TCF4: variants seen among roughly 807,000 people sequenced by gnomAD.
The protein encoded by TCF4 is SL3-3 enhancer factor 2.
In TCF4, 3 loss-of-function variants were observed where a neutral mutation model predicts 82.1. The observed-to-expected ratio is 0.04, with a 90% CI of 0.02 to 0.09. The LOEUF (loss-of-function observed/expected upper bound fraction) is 0.09. TCF4 is among the 10% of genes least tolerant of loss of function. The pLI is 1.00. For missense variants in TCF4, 518 were observed against 852.7 expected, an observed-to-expected ratio of 0.61 and a Z score of 4.89; for synonymous variants, 276 against 309.6, an observed-to-expected ratio of 0.89 and a Z score of 1.14.
chr18:55,415,024 A>T (rs1330048087), intron 5 of TCF4, among the ~76,000 whole-genome samples: 2 of 152,232 alleles, frequency 1.3e-5, no homozygotes, highest in Non-Finnish European at 2.9e-5. Context: ...TCCATTACAG[A>T]CAAATAATCA....
intron 12 of TCF4, 60 bp downstream of exon 12, chr18:55,261,406 C>A: frequency 6.3e-7 from 1 of 1,586,256 alleles, no homozygotes; most frequent in Non-Finnish European, 8.7e-7. Flanking sequence ...ATGTCCACTT[C>A]TGATTAAAGT....
upstream of TCF4, among the ~76,000 whole-genome samples, chr18:55,591,582 A>G (rs2147925846): frequency 6.6e-6 from 1 of 152,320 alleles, no homozygotes; most frequent in Non-Finnish European, 1.5e-5. Context: ...CAATGGCACG[A>G]TCTTGGCTCA....
rs575036513 is a variant in TCF4 at position 55,506,694 on chromosome 18, A to G, written c.146-42557T>C. On this transcript the variant is annotated intron_variant, in intron 3 of 19. Transcript: ENST00000354452. ...TTAAGATCTCCAGCAGATGCCTGAA[A>G]CCTCAGATAGCACAAAATTCTATAT... 1.8e-4 allele frequency among the ~76,000 whole-genome samples: 27 copies of G among 152,236 alleles called. No homozygotes were observed. In the South Asian group the frequency reaches 5.6e-3, roughly 32 times the overall value.
intron 8 of TCF4, among the ~76,000 whole-genome samples, chr18:55,339,533 T>C (rs893849477): frequency 5.9e-5 from 9 of 152,140 alleles, no homozygotes; most frequent in African/African-American, 1.9e-4. Flanking sequence ...CTGTTCAGGG[T>C]GTACACGGAA....
At chr18:55,365,187 ATATATG>A (rs1373012700) in intron 6 of TCF4, among the ~76,000 whole-genome samples, 19 of 108,410 alleles carry the variant, frequency 1.8e-4, no homozygotes, top group South Asian at 5.4e-4. Flanking sequence ...ATATATATAT[ATATATG>A]TGTGTGTGTG....
chr18:55,427,600 G>A (rs770403332), intron 5 of TCF4, among the ~76,000 whole-genome samples: 1 of 152,076 alleles, frequency 6.6e-6, no homozygotes, highest in Non-Finnish European at 1.5e-5. Flanking sequence ...AATGAAATAG[G>A]ACTAGGAATA....
chr18:55,611,376 G>A (rs139010508), intron 2 of TCF4, among the ~76,000 whole-genome samples: 4 of 152,186 alleles, frequency 2.6e-5, no homozygotes, highest in East Asian at 1.9e-4. Context: ...GTTCATGATC[G>A]GCTCCTTTTT....
chr18:55,358,078 C>G (rs1156545145), intron 6 of TCF4, among the ~76,000 whole-genome samples: 1 of 152,222 alleles, frequency 6.6e-6, no homozygotes, highest in Non-Finnish European at 1.5e-5. Flanking sequence ...TCTTGAATAT[C>G]TGACCAAGAG....
At chr18:55,615,653 T>C (rs1024083877) in intron 2 of TCF4, among the ~76,000 whole-genome samples, 1 of 152,182 alleles carries the variant, frequency 6.6e-6, no homozygotes, top group African/African-American at 2.4e-5. Context: ...ATGTTAGTTG[T>C]AGACTTCCAT....
At chr18:55,558,984 TG>T (rs1206563693) in intron 3 of TCF4, among the ~76,000 whole-genome samples, 8 of 151,356 alleles carry the variant, frequency 5.3e-5, no homozygotes, top group African/African-American at 1.9e-4. Context: ...AGACTATTTC[TG>T]GATAAATACA....
intron 5 of TCF4, among the ~76,000 whole-genome samples, chr18:55,458,727 T>C (rs1293803573): frequency 6.6e-6 from 1 of 152,190 alleles, no homozygotes; most frequent in Non-Finnish European, 1.5e-5. Context: ...ATTATAGCGA[T>C]GGGAAGTTTT....
chr18:55,572,648 T>C (rs2097484580), intron 3 of TCF4, among the ~76,000 whole-genome samples: 1 of 152,192 alleles, frequency 6.6e-6, no homozygotes, highest in Admixed American at 6.5e-5. Context: ...TTCAGTAACT[T>C]CTGTGGCTGT....
chr18:55,580,742 A>G (rs1005613135), intron 3 of TCF4, among the ~76,000 whole-genome samples: 8 of 145,382 alleles, frequency 5.5e-5, no homozygotes, highest in African/African-American at 1.3e-4. Context: ...GAGCTGTCTG[A>G]TGTGTGTGTG....
At chr18:55,310,672 C>T (rs1282786385) in intron 8 of TCF4, among the ~76,000 whole-genome samples, 2 of 152,230 alleles carry the variant, frequency 1.3e-5, no homozygotes, top group African/African-American at 4.8e-5. Context: ...CTGGAAAGAA[C>T]ATCTTCAATG....
intron 8 of TCF4, among the ~76,000 whole-genome samples, chr18:55,331,643 T>C (rs2077588953): frequency 6.6e-6 from 1 of 152,174 alleles, no homozygotes; most frequent in Non-Finnish European, 1.5e-5. Flanking sequence ...CTTCATGAAA[T>C]GGGAAAATGA....
chr18:55,311,738 C>G (rs1417600384), intron 8 of TCF4, among the ~76,000 whole-genome samples: 2 of 152,148 alleles, frequency 1.3e-5, no homozygotes, highest in Non-Finnish European at 2.9e-5. Context: ...AGAACCAACT[C>G]TATAGCAGTC....
At chr18:55,547,403 G>A (rs988457487) in intron 3 of TCF4, among the ~76,000 whole-genome samples, 3 of 152,166 alleles carry the variant, frequency 2.0e-5, no homozygotes, top group African/African-American at 7.2e-5. Flanking sequence ...TGGGTTAGAT[G>A]GAACTGGTCA....
intron 6 of TCF4, among the ~76,000 whole-genome samples, chr18:55,371,445 A>T (rs1660242): frequency 0.55 from 83,418 of 152,024 alleles, 25,009 homozygotes; most frequent in African/African-American, 0.8. Flanking sequence ...TACCTACTCA[A>T]AGAGATGCTT....
intron 5 of TCF4, among the ~76,000 whole-genome samples, chr18:55,407,231 C>G (rs1166519532): frequency 6.6e-6 from 1 of 152,008 alleles, no homozygotes; most frequent in African/African-American, 2.4e-5. Context: ...ATGGAGTACA[C>G]GAAGGGCTGA....
Sources: gnomAD v4.1 joint callset for allele counts (sites outside exome capture counted in the v4.1 genomes callset) on GRCh38, gnomAD v4.1.1 for gene constraint, MANE v1.5 for transcripts, NCBI Gene and HGNC (gene_info 2026-07-23, HGNC 2026-07-21) for gene names.